The following SHISA9 variants were observed in gnomAD, a reference collection of about 807,000 sequenced individuals.
The protein encoded by SHISA9 is protein shisa-9.
A neutral mutation model predicts 38.0 loss-of-function variants in SHISA9; 13 were observed. The observed-to-expected ratio is 0.34, with a 90% confidence interval of 0.22 to 0.54. The LOEUF (loss-of-function observed/expected upper bound fraction) is 0.54, where lower values mean the gene tolerates loss of function less well. SHISA9 is among the 20% of genes least tolerant of loss of function. The pLI, the probability that SHISA9 is intolerant of heterozygous loss-of-function variation, is 0.91. For missense variants in SHISA9, 538 were observed against 575.8 expected, an observed-to-expected ratio of 0.93 and a Z score of 0.67; for synonymous variants, 275 against 242.0, an observed-to-expected ratio of 1.14 and a Z score of -1.27.
intron 2 of SHISA9, among the ~76,000 whole-genome samples, chr16:13,037,107 CAG>C (rs771687783): frequency 0.082 from 3,570 of 43,620 alleles, 62 homozygotes; most frequent in Non-Finnish European, 0.11. Context: ...CACACACACA[CAG>C]ACACACACAC....
At chr16:13,535,516 G>C in the SHISA9 span, among the ~76,000 whole-genome samples, 1 of 152,164 alleles carries the variant, frequency 6.6e-6, no homozygotes, top group Non-Finnish European at 1.5e-5. Flanking sequence ...TTGGAAAACA[G>C]TCACACTCGT....
the SHISA9 span, among the ~76,000 whole-genome samples, chr16:13,475,424 T>G: frequency 2.0e-5 from 3 of 152,008 alleles, no homozygotes; most frequent in Non-Finnish European, 4.4e-5. Flanking sequence ...CATACAGGTA[T>G]CCCATGACTT....
At chr16:13,368,994 G>A in the SHISA9 span, among the ~76,000 whole-genome samples, 6 of 152,086 alleles carry the variant, frequency 3.9e-5, no homozygotes, top group Non-Finnish European at 7.4e-5. Context: ...TTTGAAATGT[G>A]ATGTTGGTGA....
chr16:13,345,898 T>C, the SHISA9 span, among the ~76,000 whole-genome samples: 52 of 152,348 alleles, frequency 3.4e-4, no homozygotes, highest in African/African-American at 1.1e-3. Flanking sequence ...ATATATGTCT[T>C]CTTTTGAAAA....
chr16:13,339,470 C>T, the SHISA9 span, among the ~76,000 whole-genome samples: 3 of 152,208 alleles, frequency 2.0e-5, no homozygotes, highest in South Asian at 6.2e-4. Flanking sequence ...CTCTCTGAGC[C>T]TCAGTCCTTA....
At chr16:13,207,599 C>CT (rs757223910) in intron 3 of SHISA9, among the ~76,000 whole-genome samples, 37 of 152,068 alleles carry the variant, frequency 2.4e-4, no homozygotes, top group African/African-American at 8.7e-4. Flanking sequence ...GTTCTTCATC[C>CT]TTTTTTTCTG....
At chr16:13,428,413 G>T in the SHISA9 span, among the ~76,000 whole-genome samples, 2 of 152,192 alleles carry the variant, frequency 1.3e-5, no homozygotes, top group Non-Finnish European at 2.9e-5. Context: ...GGGCTGGCTT[G>T]TCAAATACAT....
intron 2 of SHISA9, among the ~76,000 whole-genome samples, chr16:13,132,219 T>C (rs957828583): frequency 6.6e-6 from 1 of 152,156 alleles, no homozygotes; most frequent in Non-Finnish European, 1.5e-5. Context: ...TTGTGTGTCT[T>C]AGTTGCCTCA....
chr16:13,150,132 T>C (rs1295570642), intron 2 of SHISA9, among the ~76,000 whole-genome samples: 9 of 151,752 alleles, frequency 5.9e-5, no homozygotes, highest in Admixed American at 5.9e-4. Context: ...CCCCATTCTT[T>C]TCCTTTTTCC....
the SHISA9 span, among the ~76,000 whole-genome samples, chr16:13,387,258 A>G: frequency 6.6e-6 from 1 of 152,190 alleles, no homozygotes; most frequent in African/African-American, 2.4e-5. Context: ...TGGAAATAGA[A>G]TTGTTGTAAA....
intron 2 of SHISA9, among the ~76,000 whole-genome samples, chr16:13,162,411 T>C (rs2050602673): frequency 6.6e-6 from 1 of 152,196 alleles, no homozygotes; most frequent in African/African-American, 2.4e-5. Flanking sequence ...CTTATAGGAC[T>C]GTCAAGGAAA....
chr16:13,480,227 AG>A, the SHISA9 span, among the ~76,000 whole-genome samples: 1 of 152,048 alleles, frequency 6.6e-6, no homozygotes, highest in Non-Finnish European at 1.5e-5. Flanking sequence ...TGGGCTGTTT[AG>A]GGTTTTTATT....
At chr16:13,005,522 G>A (rs2072587280) in intron 2 of SHISA9, among the ~76,000 whole-genome samples, 1 of 152,066 alleles carries the variant, frequency 6.6e-6, no homozygotes, top group Non-Finnish European at 1.5e-5. Flanking sequence ...GGCAGAGGTG[G>A]GATTTACATC....
At chr16:13,241,019 G>A (rs528360470), downstream of SHISA9, among the ~76,000 whole-genome samples, 3 of 152,276 alleles carry the variant, frequency 2.0e-5, no homozygotes, top group Non-Finnish European at 2.9e-5. Context: ...CACTATGCAC[G>A]GCTGGAGTTT....
intron 2 of SHISA9, among the ~76,000 whole-genome samples, chr16:13,016,220 C>T (rs1018732362): frequency 3.3e-5 from 5 of 151,690 alleles, no homozygotes; most frequent in African/African-American, 1.2e-4. Flanking sequence ...AGTGATCTGC[C>T]TATCTTGGCC....
intron 2 of SHISA9, among the ~76,000 whole-genome samples, chr16:13,117,641 A>T (rs867110366): frequency 6.6e-5 from 10 of 152,192 alleles, no homozygotes; most frequent in Middle Eastern, 3.2e-3. Context: ...TCCTGGAGCC[A>T]CCAGAAGCTG....
chr16:13,333,368 C>A, the SHISA9 span, among the ~76,000 whole-genome samples: 3 of 152,134 alleles, frequency 2.0e-5, no homozygotes, highest in African/African-American at 7.2e-5. Flanking sequence ...CAGGGTATCA[C>A]CCTAATGGTA....
chr16:13,010,438 C>G (rs1243984242), intron 2 of SHISA9, among the ~76,000 whole-genome samples: 2 of 152,116 alleles, frequency 1.3e-5, no homozygotes, highest in African/African-American at 4.8e-5. Flanking sequence ...GTCATAGATT[C>G]TTAGACTTAA....
chr16:13,019,558 G>A (rs548566705), intron 2 of SHISA9, among the ~76,000 whole-genome samples: 4 of 151,956 alleles, frequency 2.6e-5, no homozygotes, highest in East Asian at 3.9e-4. Flanking sequence ...ATTTAATGGC[G>A]TTAGGTACAT....
Sources: gnomAD v4.1 joint callset for allele counts (sites outside exome capture counted in the v4.1 genomes callset) on GRCh38, gnomAD v4.1.1 for gene constraint, MANE v1.5 for transcripts, NCBI Gene and HGNC (gene_info 2026-07-23, HGNC 2026-07-21) for gene names.